JADE3: variants seen among roughly 807,000 people sequenced by gnomAD.
JADE3 encodes protein Jade-3.
Under a neutral mutation model 50.1 loss-of-function variants are expected in JADE3, and 2 were observed. The ratio of observed to expected loss-of-function variants is 0.04; its 90% CI spans 0.02 to 0.13. The LOEUF is 0.13. JADE3 is among the 10% of genes least tolerant of loss of function. JADE3 has a pLI of 1.00. For synonymous variants in JADE3, 218 were observed against 232.9 expected, an observed-to-expected ratio of 0.94 and a Z score of 0.58; for missense variants, 475 against 634.4, an observed-to-expected ratio of 0.75 and a Z score of 2.70.
chrX:46,920,028 A>G (rs1335557973), intron 1 of JADE3, among the ~76,000 whole-genome samples: 2 of 111,237 alleles, frequency 1.8e-5, no homozygotes, highest in African/African-American at 3.3e-5. Flanking sequence ...TGGAACACGC[A>G]TGACCAAGCA....
At chrX:47,016,535 A>G (rs1037267444) in intron 4 of JADE3, among the ~76,000 whole-genome samples, 2 of 111,828 alleles carry the variant, frequency 1.8e-5, no homozygotes, top group Non-Finnish European at 3.8e-5. Context: ...AGAAACTGAC[A>G]CAGTATTACT....
intron 4 of JADE3, 62 bp downstream of exon 4, chrX:46,998,339 G>C: frequency 9.6e-7 from 1 of 1,043,323 alleles, no homozygotes; most frequent in Non-Finnish European, 1.3e-6. Flanking sequence ...TCTGCTGCTT[G>C]GGGAGAAACT....
chrX:46,924,917 G>A (rs1926323498), intron 1 of JADE3, among the ~76,000 whole-genome samples: 1 of 111,570 alleles, frequency 9.0e-6, no homozygotes, highest in Admixed American at 9.5e-5. Flanking sequence ...ACATCGCCAG[G>A]TGCCATTCGC....
At chrX:47,016,653 T>C (rs1033038505) in intron 4 of JADE3, among the ~76,000 whole-genome samples, 7 of 110,713 alleles carry the variant, frequency 6.3e-5, no homozygotes, top group Non-Finnish European at 1.3e-4. Flanking sequence ...TGGCCGTCTT[T>C]GATCTACCAC....
At chrX:46,969,187 G>A (rs1280153246) in intron 1 of JADE3, among the ~76,000 whole-genome samples, 5 of 112,392 alleles carry the variant, frequency 4.4e-5, no homozygotes, top group Non-Finnish European at 7.5e-5. Context: ...AGGCCAAGGC[G>A]GACAGATCAC....
chrX:46,958,102 C>T (rs1472934972), intron 1 of JADE3, among the ~76,000 whole-genome samples: 1 of 111,586 alleles, frequency 9.0e-6, no homozygotes, highest in African/African-American at 3.3e-5. Context: ...TCTCTGGATG[C>T]ACTTTCATTG....
At chrX:46,936,040 A>G (rs1556340955) in intron 1 of JADE3, among the ~76,000 whole-genome samples, 1 of 87,187 alleles carries the variant, frequency 1.1e-5, no homozygotes, top group Non-Finnish European at 2.2e-5. Flanking sequence ...TTTTTTTGAG[A>G]TAGAGTCTCA....
chrX:46,976,248 G>A (rs1413683501), intron 1 of JADE3, among the ~76,000 whole-genome samples: 4 of 111,388 alleles, frequency 3.6e-5, no homozygotes, highest in Non-Finnish European at 5.7e-5. Flanking sequence ...TCCTTTCCTT[G>A]GCCTGCATGT....
chrX:46,923,888 G>A (rs1022457025), intron 1 of JADE3, among the ~76,000 whole-genome samples: 26 of 111,714 alleles, frequency 2.3e-4, no homozygotes, highest in African/African-American at 8.1e-4. Flanking sequence ...TAGGGGAGGA[G>A]GGAGTTCTCT....
At chrX:46,997,618 C>T (rs1284499578) in intron 3 of JADE3, among the ~76,000 whole-genome samples, 1 of 112,080 alleles carries the variant, frequency 8.9e-6, no homozygotes, top group Non-Finnish European at 1.9e-5. Flanking sequence ...TATAGCATTG[C>T]TACTTTCCTG....
intron 1 of JADE3, among the ~76,000 whole-genome samples, chrX:46,940,036 A>G (rs1170079951): frequency 1.8e-5 from 2 of 112,523 alleles, no homozygotes; most frequent in African/African-American, 3.2e-5. Flanking sequence ...GACACAGACC[A>G]AATAGCCTGC....
At chrX:47,019,532 A>G (rs1156327037) in intron 4 of JADE3, among the ~76,000 whole-genome samples, 1 of 111,788 alleles carries the variant, frequency 8.9e-6, no homozygotes, top group Admixed American at 9.4e-5. Context: ...CTATAGGAAC[A>G]TACCACCACA....
chrX:47,016,162 G>C (rs1439915009), intron 4 of JADE3, among the ~76,000 whole-genome samples: 1 of 110,799 alleles, frequency 9.0e-6, no homozygotes, highest in African/African-American at 3.3e-5. Context: ...CATATCATTA[G>C]CCAGAACTCA....
At chrX:47,034,522 A>G (rs782180262) in intron 7 of JADE3, among the ~76,000 whole-genome samples, 28 of 111,554 alleles carry the variant, frequency 2.5e-4, no homozygotes, top group Non-Finnish European at 4.1e-4. Context: ...GGTTGTTTAC[A>G]GGTTTAGGCT....
At chrX:47,025,909 A>G (rs888526346) in intron 5 of JADE3, among the ~76,000 whole-genome samples, 5 of 111,949 alleles carry the variant, frequency 4.5e-5, no homozygotes, top group African/African-American at 1.6e-4. Context: ...TTTTGAGGCT[A>G]GTATCTGAAT....
chrX:47,032,244 A>G (rs1203066376), intron 6 of JADE3, among the ~76,000 whole-genome samples: 1 of 111,732 alleles, frequency 8.9e-6, no homozygotes, highest in Non-Finnish European at 1.9e-5. Flanking sequence ...GGAACCGGCA[A>G]ACTTTTTCTT....
At position 46,912,423 on chromosome X, in the gene JADE3, A is replaced by G. The variant is rs1320930349; in HGVS notation, c.-308A>G. 8.9e-6 allele frequency: 1 copy of G among 111,771 alleles called. No individual in the cohort carries two copies. The highest frequency in any genetic ancestry group is 1.9e-5 in the Non-Finnish European group (1 of 52,905). 9.2% of individuals were successfully genotyped at this position (111,771 alleles called of 1,213,427 possible). On this transcript the variant is annotated 5_prime_UTR_variant, in exon 1 of 11. Transcript: ENST00000614628. The stretch of plus-strand genomic sequence containing the variant: ...GAAGAGGCGGAGCGTGGGAGCGCAC[A>G]GTGTCAGGAATACAATAGTGCTCCG...
At chrX:46,994,297 G>A (rs1213295752) in intron 3 of JADE3, among the ~76,000 whole-genome samples, 3 of 111,870 alleles carry the variant, frequency 2.7e-5, no homozygotes, top group African/African-American at 9.7e-5. Flanking sequence ...GCATCTGACA[G>A]GCCAGATGTG....
rs1556374325 is a variant in JADE3 at position 47,059,067 on chromosome X, T to C, written c.2462T>C (p.Met821Thr). The C allele has an allele frequency of 1.8e-5, 21 of 1,181,903 alleles. No individual in the cohort carries two copies. The highest frequency in any genetic ancestry group is 6.9e-5 in the Admixed American group (3 of 43,732). ...ACACATCCCCTTTCCCACAGTTCAA[T>C]GCAAAGGTGATTAGAAACTTCCAAG... Reference protein sequence around the residue: ...SKTHPLSHSSMQR With the variant: ...SKTHPLSHSSTQR Residue 821 changes from methionine to threonine, a missense_variant, in exon 11 of 11, where the codon ATG (methionine) becomes ACG (threonine). By Grantham distance (81) the Met-to-Thr change is moderately conservative. This residue lies in a region of JADE3 where 243 missense variants were observed against 238.2 expected (regional missense o/e 1.02). Transcript: ENST00000614628.
Sources: gnomAD v4.1 joint callset for allele counts (sites outside exome capture counted in the v4.1 genomes callset) on GRCh38, gnomAD v4.1.1 for gene constraint, gnomAD v4.1.1 regional missense constraint, MANE v1.5 for transcripts, NCBI Gene and HGNC (gene_info 2026-07-23, HGNC 2026-07-21) for gene names.